ASCC3: variants seen among roughly 807,000 people sequenced by gnomAD.
The protein encoded by ASCC3 is activating signal cointegrator 1 complex subunit 3, also known as ASC-1 complex subunit P200.
A neutral mutation model predicts 256.3 loss-of-function variants in ASCC3; 158 were observed. The observed-to-expected ratio is 0.62, with a 90% CI of 0.54 to 0.70. The LOEUF (loss-of-function observed/expected upper bound fraction) is 0.70, where lower values mean the gene tolerates loss of function less well. ASCC3 is among the 30% of genes least tolerant of loss of function. ASCC3 has a pLI of 0.00. For synonymous variants in ASCC3, 948 were observed against 883.4 expected, an observed-to-expected ratio of 1.07 and a Z score of -1.30; for missense variants, 2,259 against 2,626.0, an observed-to-expected ratio of 0.86 and a Z score of 3.05.
At chr6:100,751,559 A>G (rs985525503) in intron 10 of ASCC3, among the ~76,000 whole-genome samples, 6 of 151,982 alleles carry the variant, frequency 3.9e-5, no homozygotes, top group African/African-American at 1.4e-4. Context: ...TTGTACATCC[A>G]ATAAAAAAAA....
intron 13 of ASCC3, among the ~76,000 whole-genome samples, chr6:100,699,393 C>T (rs1778241436): frequency 6.6e-6 from 1 of 152,166 alleles, no homozygotes; most frequent in African/African-American, 2.4e-5. Context: ...CTTGCTTCTC[C>T]TTGCCTTCTG....
chr6:100,663,249 G>A (rs1353087994), intron 14 of ASCC3, among the ~76,000 whole-genome samples: 1 of 151,962 alleles, frequency 6.6e-6, no homozygotes, highest in Non-Finnish European at 1.5e-5. Flanking sequence ...TTCCTTATCT[G>A]TAGTTTTGCT....
At chr6:100,703,106 G>GA (rs147085773) in intron 13 of ASCC3, among the ~76,000 whole-genome samples, 2,181 of 152,004 alleles carry the variant, frequency 0.014, 42 homozygotes, top group African/African-American at 0.05. Flanking sequence ...CTGTCATCTT[G>GA]AAAATCAGTT....
intron 25 of ASCC3, among the ~76,000 whole-genome samples, chr6:100,636,553 C>G (rs1348039906): frequency 6.6e-6 from 1 of 152,084 alleles, no homozygotes; most frequent in Non-Finnish European, 1.5e-5. Flanking sequence ...GCATGTCTCT[C>G]ACTTTAAATC....
intron 36 of ASCC3, among the ~76,000 whole-genome samples, chr6:100,564,153 T>A (rs933907294): frequency 6.8e-6 from 1 of 147,378 alleles, no homozygotes; most frequent in Non-Finnish European, 1.5e-5. Flanking sequence ...GTACATGTGT[T>A]TTTTTTTTTA....
chr6:100,577,381 T>C (rs1008361542), intron 36 of ASCC3, among the ~76,000 whole-genome samples: 10 of 151,998 alleles, frequency 6.6e-5, no homozygotes, highest in Admixed American at 5.3e-4. Flanking sequence ...TTTGGTCCCA[T>C]TGATTCAAAG....
chr6:100,530,099 C>T (rs1774794082), intron 37 of ASCC3, among the ~76,000 whole-genome samples: 1 of 151,872 alleles, frequency 6.6e-6, no homozygotes, highest in Non-Finnish European at 1.5e-5. Context: ...AATTTGCAAG[C>T]ATAGGTTTCT....
intron 4 of ASCC3, among the ~76,000 whole-genome samples, chr6:100,819,258 T>C (rs551654642): frequency 3.9e-5 from 6 of 152,238 alleles, no homozygotes; most frequent in African/African-American, 1.4e-4. Context: ...GGCACATGTA[T>C]ACCTATGTAT....
intron 37 of ASCC3, among the ~76,000 whole-genome samples, chr6:100,534,313 G>A (rs1182794582): frequency 6.6e-6 from 1 of 152,016 alleles, no homozygotes; most frequent in Non-Finnish European, 1.5e-5. Context: ...AGGCAGAGAG[G>A]TACTCAAAAC....
chr6:100,699,804 C>G (rs1486437194), intron 13 of ASCC3, among the ~76,000 whole-genome samples: 2 of 152,134 alleles, frequency 1.3e-5, no homozygotes, highest in African/African-American at 2.4e-5. Flanking sequence ...AGACTGGCGG[C>G]ATTTTGCCCT....
At chr6:100,553,075 C>G (rs764310019) in intron 36 of ASCC3, among the ~76,000 whole-genome samples, 2 of 152,006 alleles carry the variant, frequency 1.3e-5, no homozygotes, top group Non-Finnish European at 2.9e-5. Context: ...ATATGACATG[C>G]TTGCTTCACC....
intron 3 of ASCC3, among the ~76,000 whole-genome samples, chr6:100,861,472 T>A (rs1037638264): frequency 3.9e-5 from 6 of 152,110 alleles, no homozygotes; most frequent in Admixed American, 1.3e-4. Context: ...AAGATAAATA[T>A]AAGAGAAATG....
chr6:100,646,746 T>C lies in ASCC3; in HGVS notation c.3502A>G (p.Ile1168Val). ...ACACATTGTTTGACCTTCAGTCCAATATTCACATGATGTAAAATGTGACCT... is the reference window on the plus strand; with the variant it reads ...ACACATTGTTTGACCTTCAGTCCAACATTCACATGATGTAAAATGTGACCT... The part of the protein sequence containing the change: ...EIGHILHHVN[I>V]GLKVKQCVHQ... Residue 1168 changes from isoleucine (I) to valine (V), a missense_variant, in exon 22 of 42, where the codon ATT becomes GTT. By Grantham distance (29) the Ile-to-Val change is conservative. This residue lies in a region of ASCC3 where 1,839 missense variants were observed against 2,206.7 expected (regional missense o/e 0.83). Transcript: ENST00000369162. 5.0e-6 allele frequency: 8 copies of C among 1,613,984 alleles called. No homozygotes were observed. The highest frequency in any genetic ancestry group is 6.8e-6 in the Non-Finnish European group (8 of 1,179,914).
chr6:100,832,511 A>G (rs1239577304), intron 4 of ASCC3, among the ~76,000 whole-genome samples: 1 of 152,150 alleles, frequency 6.6e-6, no homozygotes, highest in Non-Finnish European at 1.5e-5. Context: ...TAAGAAAGGA[A>G]GAGCACACTT....
chr6:100,672,438 C>T (rs1462208040), intron 14 of ASCC3, among the ~76,000 whole-genome samples: 2 of 151,878 alleles, frequency 1.3e-5, no homozygotes, highest in Non-Finnish European at 2.9e-5. Context: ...ATGATAAAGT[C>T]CATTCTGCTA....
intron 13 of ASCC3, among the ~76,000 whole-genome samples, chr6:100,700,208 C>T (rs778459266): frequency 6.6e-6 from 1 of 152,092 alleles, no homozygotes; most frequent in Non-Finnish European, 1.5e-5. Flanking sequence ...CTGCGTGCAG[C>T]CTAGGGACTT....
intron 36 of ASCC3, among the ~76,000 whole-genome samples, chr6:100,560,790 CACGCACACAT>C: frequency 6.6e-6 from 1 of 150,686 alleles, no homozygotes; most frequent in Admixed American, 6.6e-5. Flanking sequence ...CACACACACA[CACGCACACAT>C]AACAGGCAAG....
At chr6:100,841,301 T>C (rs536814055) in intron 4 of ASCC3, among the ~76,000 whole-genome samples, 4 of 152,264 alleles carry the variant, frequency 2.6e-5, no homozygotes, top group East Asian at 3.9e-4. Context: ...GAACCACTTA[T>C]ACATTTGATC....
At chr6:100,798,887 T>G in intron 7 of ASCC3, 49 bp from the exon 8 acceptor site, 1 of 1,483,960 alleles carries the variant, frequency 6.7e-7, no homozygotes, top group South Asian at 1.2e-5. Flanking sequence ...AATAAAACAC[T>G]TGCTCTGGTA....
Sources: allele counts gnomAD v4.1 joint callset (sites outside exome capture counted in the v4.1 genomes callset), GRCh38; gene constraint gnomAD v4.1.1; regional missense constraint gnomAD v4.1.1; transcripts MANE v1.5; gene names NCBI Gene and HGNC (gene_info 2026-07-23, HGNC 2026-07-21).